PCDHGA12: variants seen among roughly 807,000 people sequenced by gnomAD.
The protein encoded by PCDHGA12 is protocadherin gamma-A12.
In PCDHGA12, 43 loss-of-function variants were observed where a neutral mutation model predicts 61.1. That is an observed-to-expected ratio of 0.70 (90% CI 0.55 to 0.91). The LOEUF (loss-of-function observed/expected upper bound fraction) is 0.91, where lower values mean the gene tolerates loss of function less well. Among genes scored for constraint, PCDHGA12 ranks in the 40% least tolerant of loss-of-function variants. The pLI, the probability that PCDHGA12 is intolerant of heterozygous loss-of-function variation, is 0.00. For missense variants in PCDHGA12, 1,236 were observed against 1,227.7 expected, an observed-to-expected ratio of 1.01 and a Z score of -0.10; for synonymous variants, 520 against 542.9, an observed-to-expected ratio of 0.96 and a Z score of 0.59.
At position 141,491,832 on chromosome 5, in the gene PCDHGA12, C is replaced by T. The variant is rs755882255; in HGVS notation, c.2425-2975C>T. On this transcript the variant is annotated intron_variant, in intron 1 of 3. Coordinates refer to ENST00000252085, the MANE Select transcript of PCDHGA12 (RefSeq NM_003735.3). The surrounding 1 kb of genome is among the most constrained non-coding windows in gnomAD (Gnocchi z 6.9). ...GTCGCTGGCTGCGCTCCACCCGATT[C>T]TCGGGATCATTGGACCGTTTGCGCG... 1.6e-5 allele frequency: 24 copies of T among 1,474,306 alleles called. No individual in the cohort carries two copies. The highest frequency in any genetic ancestry group is 2.0e-5 in the Non-Finnish European group (22 of 1,112,688). 91.3% of individuals were successfully genotyped at this position (1,474,306 alleles called of 1,614,324 possible). A position where few individuals can be genotyped will look rare whatever the true frequency, so the allele number is the denominator to read the frequency against.
chr5:141,443,317 CA>C (rs35054295), intron 1 of PCDHGA12, among the ~76,000 whole-genome samples: 28 of 142,048 alleles, frequency 2.0e-4, no homozygotes, highest in Non-Finnish European at 2.6e-4. Flanking sequence ...CCCATCTCTA[CA>C]AAAAAAAAAA....
chr5:141,486,823 A>G lies in PCDHGA12; in HGVS notation c.2425-7984A>G, dbSNP rs778308736. On this transcript the variant is annotated intron_variant, in intron 1 of 3. Coordinates refer to ENST00000252085, the MANE Select transcript of PCDHGA12 (RefSeq NM_003735.3). The surrounding 1 kb of genome is among the most constrained non-coding windows in gnomAD (Gnocchi z 5.0). Reference sequence around the variant, plus strand: ...ACCCACCCCTTAGCAGCACTGTAACAGTTCGTCTATTTGTGCTGGACCTCA... The same window carrying G: ...ACCCACCCCTTAGCAGCACTGTAACGGTTCGTCTATTTGTGCTGGACCTCA... 1.2e-6 allele frequency: 2 copies of G among 1,614,104 alleles called. No individual in the cohort carries two copies. Among genetic ancestry groups the G allele is most frequent in the Admixed American group, 1.7e-5 (1 of 60,008 alleles).
Position 141,477,827 on chromosome 5 carries a change from C to T in PCDHGA12, c.2425-16980C>T, listed in dbSNP as rs2099419143. On this transcript the variant is annotated intron_variant, in intron 1 of 3. Coordinates refer to ENST00000252085, the MANE Select transcript of PCDHGA12 (RefSeq NM_003735.3). The surrounding 1 kb of genome is among the most constrained non-coding windows in gnomAD (Gnocchi z 4.9). ...CAATGCCCCCCAGGTCCTATATCCT[C>T]GGCCAGGTGGGAGCTCGGTGGAGAT... The T allele has an allele frequency of 1.2e-6, 2 of 1,614,038 alleles. No individual in the cohort carries two copies. Among genetic ancestry groups the T allele is most frequent in the African/African-American group, 1.3e-5 (1 of 74,928 alleles).
chr5:141,441,018 TG>T (rs1482478700), intron 1 of PCDHGA12: 1 of 152,164 alleles, frequency 6.6e-6, no homozygotes, highest in Non-Finnish European at 1.5e-5. Context: ...GATCAAATAG[TG>T]GAGAAATGAA....
At chr5:141,455,375 G>A (rs1247820974) in intron 1 of PCDHGA12, among the ~76,000 whole-genome samples, 1 of 152,132 alleles carries the variant, frequency 6.6e-6, no homozygotes, top group Non-Finnish European at 1.5e-5. Context: ...GAAGGGAGAA[G>A]ACAGAAGGAA....
At chr5:141,503,387 G>A (rs975079596) in intron 2 of PCDHGA12, among the ~76,000 whole-genome samples, 24 of 152,068 alleles carry the variant, frequency 1.6e-4, no homozygotes, top group Middle Eastern at 3.4e-3. Flanking sequence ...ATGAGGTCAG[G>A]AGTTCGAAAC....
chr5:141,478,420 C>A, intron 1 of PCDHGA12: 1 of 1,613,676 alleles, frequency 6.2e-7, no homozygotes, highest in Non-Finnish European at 8.5e-7. Context: ...ACTCCCGCCG[C>A]AGCGACCCGC....
In PCDHGA12 at chr5:141,485,610, C is replaced by A; in HGVS notation, c.2425-9197C>A. ...CTGGACTTGGAAATTGGGGAGGCAGCTCCTCCAGGACAGCGTTTCCCGTTG... is the reference window on the plus strand; with the variant it reads ...CTGGACTTGGAAATTGGGGAGGCAGATCCTCCAGGACAGCGTTTCCCGTTG... On this transcript the variant is annotated intron_variant, in intron 1 of 3. Coordinates refer to ENST00000252085, the MANE Select transcript of PCDHGA12 (RefSeq NM_003735.3). This position sits in a 1 kb window ranked among gnomAD's most constrained non-coding sequence, Gnocchi z 5.7. The A allele has an allele frequency of 1.2e-6, 2 of 1,612,076 alleles. No individual in the cohort carries two copies. The highest frequency in any genetic ancestry group is 1.7e-6 in the Non-Finnish European group (2 of 1,178,616).
At chr5:141,449,531 G>A (rs1421489293) in intron 1 of PCDHGA12, among the ~76,000 whole-genome samples, 2 of 149,216 alleles carry the variant, frequency 1.3e-5, no homozygotes, top group Admixed American at 6.7e-5. Flanking sequence ...GGAGGTTGCA[G>A]TGAGCCGAGA....
At position 141,491,623 on chromosome 5, in the gene PCDHGA12, G is replaced by A. The variant is rs767724749; in HGVS notation, c.2425-3184G>A. The A allele has an allele frequency of 3.7e-6, 6 of 1,613,812 alleles. No homozygotes were observed. The highest frequency in any genetic ancestry group is 2.7e-5 in the African/African-American group (2 of 74,938). On this transcript the variant is annotated intron_variant, in intron 1 of 3. Transcript: ENST00000252085. This position sits in a 1 kb window ranked among gnomAD's most constrained non-coding sequence, Gnocchi z 6.9. ...CTTCACTTTTCTAAGACCCCTCAGC[G>A]TTCAGCAGCCCACAGCTCTGGCGCT...
At position 141,431,850 on chromosome 5, in the gene PCDHGA12, C is replaced by T; in HGVS notation, c.1091C>T (p.Thr364Ile). Residue 364 changes from threonine (T) to isoleucine (I), a missense_variant, in exon 1 of 4, where the codon ACA becomes ATA. Physicochemically the swap from Thr to Ile is moderately conservative, Grantham distance 89. Transcript: ENST00000252085. The surrounding 1 kb of genome is among the most constrained non-coding windows in gnomAD (Gnocchi z 4.8). ...GTTCCCGAAAACTCTCCCAGAGGGA[C>T]ATTAATTGCCCTTTTAAATGTAAAT... ...SSVPENSPRG[T>I]LIALLNVNDQ... The T allele has an allele frequency of 1.9e-6, 3 of 1,614,234 alleles. No homozygotes were observed. The highest frequency in any genetic ancestry group is 2.2e-5 in the South Asian group (2 of 91,090).
Position 141,493,508 on chromosome 5 carries a change from C to T in PCDHGA12, c.2425-1299C>T, listed in dbSNP as rs2099748607. 1.3e-5 allele frequency among the ~76,000 whole-genome samples: 2 copies of T among 152,284 alleles called. No homozygotes were observed. The highest frequency in any genetic ancestry group is 4.1e-4 in the South Asian group (2 of 4,820). On this transcript the variant is annotated intron_variant, in intron 1 of 3. Transcript: ENST00000252085. The surrounding 1 kb of genome is among the most constrained non-coding windows in gnomAD (Gnocchi z 4.3). Reference sequence around the variant, plus strand: ...TCTTCTGTGGCTCCTCATTTCTGAGCAGTCCCCGCAGCGCAAACTTGGCCA... The same window carrying T: ...TCTTCTGTGGCTCCTCATTTCTGAGTAGTCCCCGCAGCGCAAACTTGGCCA...
In PCDHGA12 at chr5:141,486,487, C is replaced by T; in HGVS notation, c.2425-8320C>T. ...CTGGGAACCCTCCTCTCAGTACCCA[C>T]AGAACTATTTTCCTCAATATTTCAG... On this transcript the variant is annotated intron_variant, in intron 1 of 3. Coordinates refer to ENST00000252085, the MANE Select transcript of PCDHGA12 (RefSeq NM_003735.3). This position sits in a 1 kb window ranked among gnomAD's most constrained non-coding sequence, Gnocchi z 5.0. 1 of 1,614,086 alleles carries T rather than the reference C, an allele frequency of 6.2e-7. No individual in the cohort carries two copies. Among genetic ancestry groups the T allele is most frequent in the Non-Finnish European group, 8.5e-7 (1 of 1,179,918 alleles).
In PCDHGA12 at chr5:141,490,658, T is replaced by A. The variant is rs776806248; in HGVS notation, c.2425-4149T>A. The A allele has an allele frequency of 8.1e-6, 13 of 1,614,204 alleles. No homozygotes were observed. The South Asian group carries it at 1.4e-4, about 18-fold the overall frequency. ...GAAAACCGGCCTCCGGGCTCCCTTC[T>A]TTGCACTGTGGCTGCCTCAGATCCA... On this transcript the variant is annotated intron_variant, in intron 1 of 3. Transcript: ENST00000252085. The surrounding 1 kb of genome is among the most constrained non-coding windows in gnomAD (Gnocchi z 5.4).
Position 141,486,294 on chromosome 5 carries a change from T to C in PCDHGA12, c.2425-8513T>C, listed in dbSNP as rs764106041. The C allele has an allele frequency of 1.2e-6, 2 of 1,614,036 alleles. No homozygotes were observed. The highest frequency in any genetic ancestry group is 1.7e-6 in the Non-Finnish European group (2 of 1,179,998). On this transcript the variant is annotated intron_variant, in intron 1 of 3. Transcript: ENST00000252085. The surrounding 1 kb of genome is among the most constrained non-coding windows in gnomAD (Gnocchi z 5.0). ...GGCACTGTGGTGGCACTTATCAGTG[T>C]GCAGGATCCAGACTCAGGGTCAAAC...
intron 1 of PCDHGA12, chr5:141,478,182 AT>A: frequency 6.2e-7 from 1 of 1,613,984 alleles, no homozygotes. Context: ...CAGAAAAAAA[AT>A]CTCACCTTTT....
At position 141,491,413 on chromosome 5, in the gene PCDHGA12, G is replaced by A. The variant is rs1193417991; in HGVS notation, c.2425-3394G>A. 5.6e-6 allele frequency: 9 copies of A among 1,613,946 alleles called. No individual in the cohort carries two copies. Among genetic ancestry groups the A allele is most frequent in the Non-Finnish European group, 7.6e-6 (9 of 1,179,986 alleles). On this transcript the variant is annotated intron_variant, in intron 1 of 3. Transcript: ENST00000252085. The surrounding 1 kb of genome is among the most constrained non-coding windows in gnomAD (Gnocchi z 6.9). Reference sequence around the variant, plus strand: ...CCTTCAGGGAAACGCAGACGGGGACGGGGGTGGAGGGCAGTGCTGCAGGCG... The same window carrying A: ...CCTTCAGGGAAACGCAGACGGGGACAGGGGTGGAGGGCAGTGCTGCAGGCG...
Position 141,430,827 on chromosome 5 carries a change from T to A in PCDHGA12, c.68T>A (p.Leu23Gln). ...LVLLGILLGT[L>Q]WETGCTQIRY... ...CTGCTGGGAATCCTCCTGGGGACTC[T>A]GTGGGAGACCGGATGCACCCAGATA... is the stretch of plus-strand genomic sequence containing the variant. Residue 23 changes from leucine to glutamine, a missense_variant, in exon 1 of 4, where the codon CTG (leucine) becomes CAG (glutamine). Coordinates refer to ENST00000252085, the MANE Select transcript of PCDHGA12 (RefSeq NM_003735.3). The A allele has an allele frequency of 6.4e-7, 1 of 1,551,000 alleles. No homozygotes were observed. The highest frequency in any genetic ancestry group is 1.3e-5 in the South Asian group (1 of 79,032).
In PCDHGA12 at chr5:141,486,959, G is replaced by A. The variant is rs1161675143; in HGVS notation, c.2425-7848G>A. The A allele has an allele frequency of 1.9e-6, 3 of 1,614,098 alleles. No individual in the cohort carries two copies. In the African/African-American group the frequency reaches 4.0e-5, roughly 22 times the overall value. On this transcript the variant is annotated intron_variant, in intron 1 of 3. Transcript: ENST00000252085. The surrounding 1 kb of genome is among the most constrained non-coding windows in gnomAD (Gnocchi z 5.0). ...CCACCTAATCACAAAGGTGACTGCTGTGGACTTGGATTCAGGTTACAATGC... is the reference window on the plus strand; with the variant it reads ...CCACCTAATCACAAAGGTGACTGCTATGGACTTGGATTCAGGTTACAATGC...
Sources: allele counts gnomAD v4.1 joint callset (sites outside exome capture counted in the v4.1 genomes callset), GRCh38; gene constraint gnomAD v4.1.1; non-coding constraint Gnocchi (gnomAD v3.1); transcripts MANE v1.5; gene names NCBI Gene and HGNC (gene_info 2026-07-23, HGNC 2026-07-21).